Variants in ZFHX3 observed in about 807,000 individuals in gnomAD.
ZFHX3 encodes the protein zinc finger homeobox 3, also known as zinc finger homeobox protein 3.
ZFHX3 carries 42 observed loss-of-function variants against 279.1 expected under a neutral mutation model. That is an observed-to-expected ratio of 0.15 (90% CI 0.12 to 0.19). The LOEUF (loss-of-function observed/expected upper bound fraction) is 0.19, where lower values mean the gene tolerates loss of function less well. Ranked by LOEUF, ZFHX3 falls within the 10% of genes least tolerant of loss-of-function variation. ZFHX3 has a pLI of 1.00. For synonymous variants in ZFHX3, 2,293 were observed against 1,957.8 expected (o/e 1.17, Z -4.52); for missense variants, 4,981 against 4,754.0 (o/e 1.05, Z -1.40).
At chr16:72,973,969 C>T (rs571878508) in intron 1 of ZFHX3, 3 of 152,244 alleles carry the variant, frequency 2.0e-5, no homozygotes, top group South Asian at 2.1e-4. Context: ...CTATCAAAGC[C>T]GGGTTCACTA....
chr16:73,034,107 A>T (rs894041585), intron 1 of ZFHX3, among the ~76,000 whole-genome samples: 33 of 152,038 alleles, frequency 2.2e-4, no homozygotes, highest in Admixed American at 2.0e-4. Flanking sequence ...ACTTAAAAAA[A>T]AAAAAAAGTC....
rs1967587420 is a variant in ZFHX3, at chr16:73,173,415, A to T, written c.-1103-29584T>A. On this transcript the variant is annotated intron_variant, in intron 5 of 17. Transcript: ENST00000641206. Reference sequence around the variant, plus strand: ...TTGTCCTCTCTTCTCGCTCTCCCCAAGATATCTGGAGTCGATTTTGCGAGT... The same window carrying T: ...TTGTCCTCTCTTCTCGCTCTCCCCATGATATCTGGAGTCGATTTTGCGAGT... Among the ~76,000 whole-genome samples, 3 of 133,776 alleles carry T rather than the reference A, an allele frequency of 2.2e-5. No homozygotes were observed. In the South Asian group the frequency reaches 8.1e-4, roughly 36 times the overall value. 87.8% of individuals were successfully genotyped at this position (133,776 alleles called of 152,430 possible). A position where few individuals can be genotyped will look rare whatever the true frequency, so the allele number is the denominator to read the frequency against.
chr16:73,876,876 T>G (rs924333397), intron 1 of ZFHX3, among the ~76,000 whole-genome samples: 1 of 152,172 alleles, frequency 6.6e-6, no homozygotes, highest in Non-Finnish European at 1.5e-5. Flanking sequence ...AAACCCACCG[T>G]GTGGGTTCAC....
intron 4 of ZFHX3, among the ~76,000 whole-genome samples, chr16:72,836,332 G>C (rs1394444740): frequency 3.3e-5 from 5 of 152,156 alleles, no homozygotes; most frequent in African/African-American, 9.7e-5. Context: ...CCAGAATGTA[G>C]CAACCTACTC....
intron 2 of ZFHX3, among the ~76,000 whole-genome samples, chr16:73,512,561 G>C (rs1308398127): frequency 6.6e-6 from 1 of 151,000 alleles, no homozygotes; most frequent in African/African-American, 2.4e-5. Context: ...AAGGGTATTG[G>C]AACAGAACAG....
chr16:72,976,232 A>G (rs577394926), intron 1 of ZFHX3, among the ~76,000 whole-genome samples: 6 of 152,342 alleles, frequency 3.9e-5, no homozygotes, highest in Non-Finnish European at 7.3e-5. Flanking sequence ...TCCAGCCAGC[A>G]GTTCTAATCT....
At chr16:73,727,439 A>T (rs1370365453) in intron 1 of ZFHX3, among the ~76,000 whole-genome samples, 2 of 152,220 alleles carry the variant, frequency 1.3e-5, no homozygotes, top group African/African-American at 4.8e-5. Context: ...TTAACCCAAC[A>T]TCTACCCTAA....
At chr16:73,266,597 G>C (rs1457277356) in intron 4 of ZFHX3, among the ~76,000 whole-genome samples, 1 of 152,148 alleles carries the variant, frequency 6.6e-6, no homozygotes, top group East Asian at 1.9e-4. Context: ...TGATTAGTTG[G>C]TGATGTGGTT....
intron 5 of ZFHX3, among the ~76,000 whole-genome samples, chr16:73,155,274 C>G (rs530340701): frequency 6.6e-6 from 1 of 151,626 alleles, no homozygotes; most frequent in African/African-American, 2.4e-5. Flanking sequence ...TCTACCAAAC[C>G]AAAATAGCAC....
chr16:73,378,144 T>C (rs1028012690), intron 3 of ZFHX3, among the ~76,000 whole-genome samples: 5 of 151,136 alleles, frequency 3.3e-5, no homozygotes, highest in African/African-American at 9.7e-5. Context: ...AGCTCAGATA[T>C]TTTGGGAAAG....
chr16:73,721,789 T>C (rs2053476226), intron 1 of ZFHX3, among the ~76,000 whole-genome samples: 1 of 152,186 alleles, frequency 6.6e-6, no homozygotes, highest in African/African-American at 2.4e-5. Context: ...TCACACTGGT[T>C]ATCCCAGCAC....
At chr16:72,894,548 G>A (rs974394737) in intron 3 of ZFHX3, among the ~76,000 whole-genome samples, 7 of 152,178 alleles carry the variant, frequency 4.6e-5, no homozygotes, top group Admixed American at 2.6e-4. Flanking sequence ...AGAGGCCCAT[G>A]AGCACTCCAC....
At chr16:73,702,172 T>A (rs2053254958) in intron 1 of ZFHX3, among the ~76,000 whole-genome samples, 2 of 151,964 alleles carry the variant, frequency 1.3e-5, no homozygotes, top group Admixed American at 1.3e-4. Context: ...CCCCCCACCC[T>A]CCCCGTTCAC....
chr16:72,827,863 TG>T (rs1463525417), intron 5 of ZFHX3, among the ~76,000 whole-genome samples: 1 of 152,230 alleles, frequency 6.6e-6, no homozygotes, highest in Non-Finnish European at 1.5e-5. Flanking sequence ...AGAATCCACC[TG>T]GTGTGCTGCC....
At chr16:73,815,619 T>C (rs182099097) in intron 1 of ZFHX3, 1 of 152,136 alleles carries the variant, frequency 6.6e-6, no homozygotes, top group Admixed American at 6.6e-5. Flanking sequence ...TGGAGCGTAA[T>C]GGCACGATCT....
chr16:72,938,570 A>G (rs1353797868), intron 3 of ZFHX3, among the ~76,000 whole-genome samples: 2 of 152,248 alleles, frequency 1.3e-5, no homozygotes, highest in African/African-American at 2.4e-5. Flanking sequence ...GAAGCTAGCT[A>G]GAACATCAGG....
At chr16:73,481,640 TTGTTTGTTTTTG>T (rs1409053588) in intron 2 of ZFHX3, among the ~76,000 whole-genome samples, 6 of 139,348 alleles carry the variant, frequency 4.3e-5, no homozygotes, top group African/African-American at 9.0e-5. Context: ...GTTTGTTTGT[TTGTTTGTTTTTG>T]TTTGTTTGTT....
chr16:73,632,373 A>G (rs981931617), intron 2 of ZFHX3, among the ~76,000 whole-genome samples: 1 of 152,186 alleles, frequency 6.6e-6, no homozygotes, highest in African/African-American at 2.4e-5. Flanking sequence ...ACAAAACTCT[A>G]CAAAAGAAGT....
Position 72,784,787 on chromosome 16 carries a change from TAAAA to T in ZFHX3, c.*2373_*2376del, listed in dbSNP as rs1055428838. The T allele has an allele frequency of 1.3e-5, 2 of 152,062 alleles. No individual in the cohort carries two copies. The highest frequency in any genetic ancestry group is 1.3e-4 in the Admixed American group (2 of 15,218). The allele number at this position is 152,062 out of a possible 1,614,324, so 9.4% of individuals were successfully genotyped here. On this transcript the variant is annotated 3_prime_UTR_variant, in exon 10 of 10. Coordinates refer to ENST00000268489, the MANE Select transcript of ZFHX3 (RefSeq NM_006885.4). ...GTATTCTTTCTTTAGTATTTCTACT[TAAAA>T]AAAACAATTAAAAAAGGAATTTGCA...
Sources: gnomAD v4.1 joint callset for allele counts (sites outside exome capture counted in the v4.1 genomes callset) on GRCh38, gnomAD v4.1.1 for gene constraint, MANE v1.5 for transcripts, NCBI Gene and HGNC (gene_info 2026-07-23, HGNC 2026-07-21) for gene names.